Variants in POLR3B observed in about 807,000 individuals in gnomAD.
POLR3B encodes DNA-directed RNA polymerase III subunit RPC2.
In POLR3B, 96 loss-of-function variants were observed where a neutral mutation model predicts 147.4. The observed-to-expected ratio is 0.65, with a 90% CI of 0.55 to 0.77. The LOEUF is 0.77. POLR3B is among the 30% of genes least tolerant of loss of function. POLR3B has a pLI of 0.00. For synonymous variants in POLR3B, 461 were observed against 485.9 expected, an observed-to-expected ratio of 0.95 and a Z score of 0.67; for missense variants, 1,036 against 1,413.5, an observed-to-expected ratio of 0.73 and a Z score of 4.28.
chr12:106,385,147 C>G (rs975480673), intron 9 of POLR3B, among the ~76,000 whole-genome samples: 2 of 152,028 alleles, frequency 1.3e-5, no homozygotes, highest in Admixed American at 6.6e-5. Flanking sequence ...AAGAAACACA[C>G]AGAAAATAAC....
chr12:106,431,947 T>C (rs958172008), intron 14 of POLR3B, among the ~76,000 whole-genome samples: 1 of 152,214 alleles, frequency 6.6e-6, no homozygotes, highest in Non-Finnish European at 1.5e-5. Flanking sequence ...TTATTAATGT[T>C]TTCCTTTACT....
At chr12:106,414,237 A>AAG (rs1416279792) in intron 12 of POLR3B, among the ~76,000 whole-genome samples, 7 of 151,514 alleles carry the variant, frequency 4.6e-5, no homozygotes, top group Admixed American at 2.6e-4. Context: ...AAAAAAAAAA[A>AAG]AAAATTCCAA....
At chr12:106,358,255 C>A in intron 1 of POLR3B, 1 of 1,338,734 alleles carries the variant, frequency 7.5e-7, no homozygotes, top group South Asian at 1.5e-5. Context: ...CTCGCACTTA[C>A]TGTGGGGGAC....
Position 106,357,962 on chromosome 12 carries a change from G to A in POLR3B, c.72+11G>A, listed in dbSNP as rs750498877. ...ATCCCGACTGTAGAGGTCAGTGCCA[G>A]GCACGCAGGGAGCGTCAGGGACAAG... On this transcript the variant is annotated intron_variant, in intron 1 of 27. Coordinates refer to ENST00000228347, the MANE Select transcript of POLR3B (RefSeq NM_018082.6). 1.2e-6 allele frequency: 2 copies of A among 1,611,782 alleles called. No homozygotes were observed. Among genetic ancestry groups the A allele is most frequent in the African/African-American group, 1.3e-5 (1 of 74,908 alleles).
intron 20 of POLR3B, among the ~76,000 whole-genome samples, chr12:106,455,689 A>C (rs959496570): frequency 6.6e-6 from 1 of 152,174 alleles, no homozygotes; most frequent in Non-Finnish European, 1.5e-5. Context: ...ATTGCACTCC[A>C]GCATGTTGCA....
At chr12:106,495,291 T>C (rs1407316252) in intron 23 of POLR3B, among the ~76,000 whole-genome samples, 2 of 152,138 alleles carry the variant, frequency 1.3e-5, no homozygotes, top group Non-Finnish European at 2.9e-5. Context: ...GTGTATAGAG[T>C]TGGTAGATTT....
chr12:106,482,420 G>T (rs969367410), intron 23 of POLR3B, among the ~76,000 whole-genome samples: 3 of 152,152 alleles, frequency 2.0e-5, no homozygotes, highest in African/African-American at 7.2e-5. Context: ...CAGGAAGCAT[G>T]GCTAGGGAGG....
At chr12:106,457,422 C>A in intron 21 of POLR3B, 126 bp downstream of exon 21, 1 of 729,692 alleles carries the variant, frequency 1.4e-6, no homozygotes, top group Non-Finnish European at 2.4e-6. Context: ...CATCCAAACT[C>A]AACCAATGAG....
At chr12:106,365,237 G>A (rs1261309774) in intron 2 of POLR3B, among the ~76,000 whole-genome samples, 1 of 152,156 alleles carries the variant, frequency 6.6e-6, no homozygotes, top group East Asian at 1.9e-4. Flanking sequence ...GGGAAACGAG[G>A]CTGGGAGTTG....
intron 1 of POLR3B, among the ~76,000 whole-genome samples, chr12:106,360,930 C>T (rs1331200093): frequency 6.6e-6 from 1 of 152,098 alleles, no homozygotes; most frequent in Non-Finnish European, 1.5e-5. Flanking sequence ...CAAATGGTAG[C>T]TAGGATGTGA....
intron 23 of POLR3B, among the ~76,000 whole-genome samples, chr12:106,477,744 C>G (rs1411025056): frequency 6.6e-6 from 1 of 152,122 alleles, no homozygotes; most frequent in Non-Finnish European, 1.5e-5. Context: ...CGCGCACCCA[C>G]TGGCCTGCGC....
intron 12 of POLR3B, among the ~76,000 whole-genome samples, chr12:106,420,366 A>G (rs1462995327): frequency 6.6e-6 from 1 of 152,132 alleles, no homozygotes; most frequent in Non-Finnish European, 1.5e-5. Flanking sequence ...ACTCAAATCC[A>G]GTAGTTCAGA....
At chr12:106,488,824 A>G (rs2038374576) in intron 23 of POLR3B, among the ~76,000 whole-genome samples, 1 of 152,192 alleles carries the variant, frequency 6.6e-6, no homozygotes, top group African/African-American at 2.4e-5. Context: ...TGATTAGTGC[A>G]TTTATTAGAA....
intron 9 of POLR3B, among the ~76,000 whole-genome samples, chr12:106,391,753 C>G (rs2036917531): frequency 1.3e-5 from 2 of 152,196 alleles, no homozygotes; most frequent in African/African-American, 4.8e-5. Context: ...GATCTCTGGA[C>G]TTTTAGATAG....
chr12:106,451,810 A>G lies in POLR3B; in HGVS notation c.2084-2692A>G, dbSNP rs112627159. 1.6e-4 allele frequency among the ~76,000 whole-genome samples: 24 copies of G among 152,284 alleles called. 1 individual carries two copies. Among genetic ancestry groups the G allele is most frequent in the African/African-American group, 5.5e-4 (23 of 41,556 alleles). Reference sequence around the variant, plus strand: ...TGCCTTATAAAAGAGCACTTTTTCAATATTTTAACTTACATTTGTTTACCT... The same window carrying G: ...TGCCTTATAAAAGAGCACTTTTTCAGTATTTTAACTTACATTTGTTTACCT... On this transcript the variant is annotated intron_variant, in intron 19 of 27. Coordinates refer to ENST00000228347, the MANE Select transcript of POLR3B (RefSeq NM_018082.6).
chr12:106,359,996 T>C (rs2036446055), intron 1 of POLR3B, among the ~76,000 whole-genome samples: 1 of 152,226 alleles, frequency 6.6e-6, no homozygotes, highest in African/African-American at 2.4e-5. Context: ...AGCCTTCTGA[T>C]TGAAGAATAA....
intron 12 of POLR3B, among the ~76,000 whole-genome samples, chr12:106,416,213 G>A (rs1429285334): frequency 1.3e-5 from 2 of 152,106 alleles, no homozygotes; most frequent in South Asian, 4.1e-4. Context: ...GACTTAAGGG[G>A]GAATTTAATC....
At chr12:106,483,845 G>A (rs2038303131) in intron 23 of POLR3B, among the ~76,000 whole-genome samples, 1 of 152,174 alleles carries the variant, frequency 6.6e-6, no homozygotes, top group South Asian at 2.1e-4. Context: ...TGAACATATT[G>A]CCTTTTCATC....
At chr12:106,372,373 T>C (rs1186525254) in intron 6 of POLR3B, among the ~76,000 whole-genome samples, 1 of 148,978 alleles carries the variant, frequency 6.7e-6, no homozygotes, top group Non-Finnish European at 1.5e-5. Context: ...GAATTCACTC[T>C]GTTGCCCAGG....
Sources: allele counts gnomAD v4.1 joint callset (sites outside exome capture counted in the v4.1 genomes callset), GRCh38; gene constraint gnomAD v4.1.1; transcripts MANE v1.5; gene names NCBI Gene and HGNC (gene_info 2026-07-23, HGNC 2026-07-21).